Variants in RFC3 observed in about 807,000 individuals in gnomAD.
RFC3 encodes the protein replication factor C subunit 3, also known as A1 38 kDa subunit.
A neutral mutation model predicts 45.1 loss-of-function variants in RFC3; 41 were observed. The observed-to-expected ratio is 0.91, with a 90% CI of 0.71 to 1.18. The LOEUF (loss-of-function observed/expected upper bound fraction) is 1.18, where lower values mean the gene tolerates loss of function less well. Among genes scored for constraint, RFC3 ranks in the 50% most tolerant of loss-of-function variants. RFC3 has a pLI of 0.00. For missense variants in RFC3, 423 were observed against 428.1 expected, an observed-to-expected ratio of 0.99 and a Z score of 0.10; for synonymous variants, 149 against 144.0, an observed-to-expected ratio of 1.03 and a Z score of -0.25.
At chr13:33,834,298 G>GTGTGTGTATATATATATA (rs1302839326) in intron 7 of RFC3, among the ~76,000 whole-genome samples, 37 of 109,194 alleles carry the variant, frequency 3.4e-4, no homozygotes, top group African/African-American at 1.2e-3. Context: ...TGTACTGTGT[G>GTGTGTGTATATATATATA]TATATATATA....
At chr13:33,859,156 C>A (rs948924114) in intron 8 of RFC3, among the ~76,000 whole-genome samples, 1 of 152,092 alleles carries the variant, frequency 6.6e-6, no homozygotes, top group Non-Finnish European at 1.5e-5. Context: ...TCAAAAATAA[C>A]CTTTTGCTTC....
downstream of RFC3, among the ~76,000 whole-genome samples, chr13:33,969,917 T>G (rs73172075): frequency 2.0e-5 from 3 of 152,254 alleles, no homozygotes; most frequent in Non-Finnish European, 4.4e-5. Context: ...TTTGTTTTTT[T>G]TTTTTTTGCC....
At chr13:33,860,967 T>A (rs1391336040) in intron 8 of RFC3, among the ~76,000 whole-genome samples, 7 of 152,026 alleles carry the variant, frequency 4.6e-5, no homozygotes, top group Non-Finnish European at 8.8e-5. Context: ...AGTGGTATGA[T>A]CCTAGCTCAT....
chr13:33,853,312 A>G (rs1036161358), intron 8 of RFC3, among the ~76,000 whole-genome samples: 34 of 152,288 alleles, frequency 2.2e-4, no homozygotes, highest in African/African-American at 7.7e-4. Context: ...ATTTCACCAT[A>G]GATGTGCATT....
Position 33,873,991 on chromosome 13 carries a change from A to C in RFC3, c.879+38774A>C, listed in dbSNP as rs147395073. On this transcript the variant is annotated intron_variant, in intron 8 of 8. Coordinates refer to the RFC3 transcript ENST00000434425. ...AAAATTTAATGCTTTTGTATATAAA[A>C]ATTTTCACTCAAATTCTAATCTCTC... is the stretch of plus-strand genomic sequence containing the variant. Among the ~76,000 whole-genome samples the C allele has an allele frequency of 1.2e-3, 181 of 152,252 alleles. 1 individual carries two copies. Among genetic ancestry groups the C allele is most frequent in the African/African-American group, 3.3e-3 (139 of 41,540 alleles).
At chr13:33,972,161 A>G in the RFC3 span, among the ~76,000 whole-genome samples, 4 of 152,336 alleles carry the variant, frequency 2.6e-5, no homozygotes, top group Middle Eastern at 6.8e-3. Flanking sequence ...ATACTTTTTG[A>G]TGTAGCCAAC....
At chr13:33,852,013 A>G (rs903209430) in intron 8 of RFC3, among the ~76,000 whole-genome samples, 2 of 152,238 alleles carry the variant, frequency 1.3e-5, no homozygotes, top group Admixed American at 6.5e-5. Context: ...CAAATGAGAT[A>G]TATTAAATTG....
intron 8 of RFC3, among the ~76,000 whole-genome samples, chr13:33,956,135 A>G (rs762225395): frequency 6.6e-6 from 1 of 152,242 alleles, no homozygotes; most frequent in Non-Finnish European, 1.5e-5. Context: ...TGTGTTAAAA[A>G]TCCCCCTCTA....
intron 8 of RFC3, among the ~76,000 whole-genome samples, chr13:33,922,205 A>G (rs2082773899): frequency 6.8e-6 from 1 of 147,426 alleles, no homozygotes; most frequent in Non-Finnish European, 1.5e-5. Flanking sequence ...TTTTTAAAGC[A>G]GCTTTATTGG....
At chr13:33,940,241 A>T (rs2082914684) in intron 8 of RFC3, among the ~76,000 whole-genome samples, 2 of 152,220 alleles carry the variant, frequency 1.3e-5, no homozygotes, top group South Asian at 4.1e-4. Flanking sequence ...TTTTCTAAGT[A>T]TGACTTCAAC....
intron 8 of RFC3, among the ~76,000 whole-genome samples, chr13:33,925,395 C>CATAT (rs532997696): frequency 8.6e-6 from 1 of 115,730 alleles, no homozygotes; most frequent in Non-Finnish European, 1.6e-5. Flanking sequence ...TATATACATA[C>CATAT]ATAGTGTACT....
At chr13:33,951,285 T>C (rs1375308213) in intron 8 of RFC3, among the ~76,000 whole-genome samples, 2 of 149,390 alleles carry the variant, frequency 1.3e-5, no homozygotes, top group Non-Finnish European at 3.0e-5. Flanking sequence ...CAGGCTGGAG[T>C]GCAGTGGCGC....
intron 8 of RFC3, among the ~76,000 whole-genome samples, chr13:33,897,300 CT>C: frequency 1.3e-5 from 2 of 151,826 alleles, no homozygotes; most frequent in Non-Finnish European, 2.9e-5. Flanking sequence ...TGTTTCTATT[CT>C]TTGTTTCTAT....
At chr13:33,865,021 GA>G (rs1194690391) in intron 8 of RFC3, among the ~76,000 whole-genome samples, 1 of 152,036 alleles carries the variant, frequency 6.6e-6, no homozygotes, top group Non-Finnish European at 1.5e-5. Flanking sequence ...GAAGAAGAAA[GA>G]GAACAAAATT....
intron 8 of RFC3, among the ~76,000 whole-genome samples, chr13:33,963,182 A>ATAT (rs5802699): frequency 0.95 from 144,427 of 151,656 alleles, 69,134 homozygotes; most frequent in East Asian, 1. Flanking sequence ...TTAAAATATT[A>ATAT]TAAGTAAATT....
At chr13:33,835,996 C>A in intron 8 of RFC3, 108 bp from the exon 9 acceptor site, 1 of 1,144,138 alleles carries the variant, frequency 8.7e-7, no homozygotes, top group Non-Finnish European at 1.2e-6. Flanking sequence ...AGATCTCACA[C>A]ATATAAAGAG....
intron 8 of RFC3, among the ~76,000 whole-genome samples, chr13:33,935,248 A>G (rs543477492): frequency 6.6e-4 from 100 of 152,276 alleles, no homozygotes; most frequent in Admixed American, 1.0e-3. Context: ...GTAACTGGAA[A>G]ATGTAAAAAT....
At chr13:33,831,232 T>C (rs763736587) in intron 6 of RFC3, 24 bp from the exon 7 acceptor site, 2 of 1,397,902 alleles carry the variant, frequency 1.4e-6, no homozygotes, top group Non-Finnish European at 2.0e-6. Context: ...GTTTAACTTC[T>C]TGTGTTCTCT....
At chr13:33,849,218 C>T (rs1176685265) in intron 8 of RFC3, 2 of 152,092 alleles carry the variant, frequency 1.3e-5, no homozygotes, top group Admixed American at 6.6e-5. Context: ...ATATGCAAGA[C>T]CTGAAGCAGG....
Sources: allele counts gnomAD v4.1 joint callset (sites outside exome capture counted in the v4.1 genomes callset), GRCh38; gene constraint gnomAD v4.1.1; transcripts MANE v1.5; gene names NCBI Gene and HGNC (gene_info 2026-07-23, HGNC 2026-07-21).